AHR: variants seen among roughly 807,000 people sequenced by gnomAD.
AHR encodes aryl hydrocarbon receptor.
Under a neutral mutation model 86.8 loss-of-function variants are expected in AHR, and 40 were observed. The ratio of observed to expected loss-of-function variants is 0.46; its 90% CI spans 0.36 to 0.60. The LOEUF (loss-of-function observed/expected upper bound fraction) is 0.60, where lower values mean the gene tolerates loss of function less well. AHR is among the 20% of genes least tolerant of loss of function. AHR has a pLI of 0.00. For synonymous variants in AHR, 398 were observed against 354.9 expected, an observed-to-expected ratio of 1.12 and a Z score of -1.37; for missense variants, 1,001 against 1,011.6, an observed-to-expected ratio of 0.99 and a Z score of 0.14.
intron 5 of AHR, 70 bp from the exon 6 acceptor site, chr7:17,330,686 T>G (rs1782278821): frequency 7.2e-7 from 1 of 1,379,892 alleles, no homozygotes; most frequent in Non-Finnish European, 9.6e-7. Flanking sequence ...TAATACAAAT[T>G]TTACCTATTC....
intron 1 of AHR, among the ~76,000 whole-genome samples, chr7:17,306,175 G>C (rs934026884): frequency 4.6e-5 from 7 of 152,102 alleles, no homozygotes; most frequent in African/African-American, 7.2e-5. Flanking sequence ...ATAATGGTTA[G>C]CAGTGTCCTT....
chr7:17,339,551 G>T lies in AHR; in HGVS notation c.1726G>T (p.Asp576Tyr). The T allele has an allele frequency of 6.2e-7, 1 of 1,614,154 alleles. No individual in the cohort carries two copies. Among genetic ancestry groups the T allele is most frequent in the South Asian group, 1.1e-5 (1 of 91,064 alleles). Residue 576 changes from aspartate to tyrosine, a missense_variant, in exon 10 of 11, where the codon GAC becomes TAC. By Grantham distance (160) the Asp-to-Tyr change is radical. Coordinates refer to ENST00000242057, the MANE Select transcript of AHR (RefSeq NM_001621.5). ...FSGEVDFRDI[D>Y]LTDEILTYVQ... ...TGGTGAGGTTGACTTCAGAGACATT[G>T]ACTTAACGGATGAAATCCTGACGTA...
At chr7:17,333,813 T>A (rs1782326432) in intron 6 of AHR, 99 bp from the exon 7 acceptor site, 3 of 879,756 alleles carry the variant, frequency 3.4e-6, no homozygotes, top group Non-Finnish European at 5.2e-6. Flanking sequence ...TATGGAATTA[T>A]CAAGAACCCT....
In AHR at chr7:17,298,962, C is replaced by T. The variant is rs1781921925; in HGVS notation, c.-303C>T. On this transcript the variant is annotated 5_prime_UTR_variant, in exon 1 of 11. Coordinates refer to ENST00000242057, the MANE Select transcript of AHR (RefSeq NM_001621.5). ...CGGGCCGCCTCACCTGCGGGCATTG[C>T]CGCGCCGCCTCCGCCGGTGTAGACG... The T allele has an allele frequency of 4.5e-6, 2 of 441,538 alleles. No homozygotes were observed. The highest frequency in any genetic ancestry group is 7.9e-6 in the Non-Finnish European group (2 of 253,934). 27.4% of individuals were successfully genotyped at this position (441,538 alleles called of 1,614,324 possible).
At chr7:17,321,617 A>ACACACACACG (rs1324106097) in intron 2 of AHR, among the ~76,000 whole-genome samples, 1 of 151,626 alleles carries the variant, frequency 6.6e-6, no homozygotes, top group African/African-American at 2.4e-5. Flanking sequence ...ACACACACAC[A>ACACACACACG]CAGTGAGGAA....
chr7:17,335,605 T>G, intron 8 of AHR, 40 bp from the exon 9 acceptor site: 1 of 1,498,198 alleles, frequency 6.7e-7, no homozygotes, highest in Non-Finnish European at 9.0e-7. Flanking sequence ...ACTATATTGA[T>G]TTGGGGGTTT....
intron 1 of AHR, among the ~76,000 whole-genome samples, chr7:17,300,671 G>C (rs1781946257): frequency 6.6e-6 from 1 of 152,086 alleles, no homozygotes; most frequent in Admixed American, 6.6e-5. Flanking sequence ...TTGAGACATC[G>C]GTTATTAATA....
intron 3 of AHR, 72 bp from the exon 4 acceptor site, chr7:17,327,687 A>T: frequency 1.2e-6 from 1 of 804,472 alleles, no homozygotes; most frequent in South Asian, 2.3e-5. Flanking sequence ...TTTCAGAGAT[A>T]AAAGTAATAA....
chr7:17,337,032 C>A (rs1321195994), intron 9 of AHR, among the ~76,000 whole-genome samples: 5 of 152,012 alleles, frequency 3.3e-5, no homozygotes, highest in Non-Finnish European at 7.4e-5. Context: ...CAACCCTCAT[C>A]TTTTGCTATC....
intron 6 of AHR, 60 bp downstream of exon 6, chr7:17,330,946 A>G (rs1782282097): frequency 6.4e-7 from 1 of 1,551,298 alleles, no homozygotes; most frequent in Admixed American, 1.8e-5. Context: ...AGCTTGAGGC[A>G]AATTTAATTT....
rs71309046 is a variant in AHR at position 17,321,594 on chromosome 7, TACAC to T, written c.254-885_254-882del. On this transcript the variant is annotated intron_variant, in intron 2 of 10. Transcript: ENST00000242057. ...TATAAATACATACATACCACACACA[TACAC>T]ACACACACACACACACACACAGTGA... 4.8e-3 allele frequency among the ~76,000 whole-genome samples: 710 copies of T among 147,694 alleles called. 6 individuals are homozygous for T. Among genetic ancestry groups the T allele is most frequent in the African/African-American group, 0.01 (408 of 40,362 alleles).
Position 17,339,027 on chromosome 7 carries a change from A to G in AHR, c.1202A>G (p.Lys401Arg), listed in dbSNP as rs1395816668. Reference sequence around the variant, plus strand: ...GAGCATTTACGAAAACGAAATACGAAGTTGCCTTTTATGTTTACCACTGGA... The same window carrying G: ...GAGCATTTACGAAAACGAAATACGAGGTTGCCTTTTATGTTTACCACTGGA... ...GTEHLRKRNT[K>R]LPFMFTTGEA... The change falls in exon 10 of 11, where the codon AAG becomes AGG. Residue 401 changes from lysine (K) to arginine (R), a missense_variant. By Grantham distance (26) the Lys-to-Arg change is conservative (BLOSUM62 2). This residue lies in a region of AHR where 607 missense variants were observed against 543.1 expected (regional missense o/e 1.12). Coordinates refer to ENST00000242057, the MANE Select transcript of AHR (RefSeq NM_001621.5). The G allele has an allele frequency of 5.0e-6, 8 of 1,614,128 alleles. No homozygotes were observed. The East Asian group carries it at 1.8e-4, about 36-fold the overall frequency.
intron 7 of AHR, 88 bp from the exon 8 acceptor site, chr7:17,334,799 T>C (rs552120377): frequency 4.5e-6 from 4 of 881,718 alleles, no homozygotes; most frequent in Non-Finnish European, 5.2e-6. Flanking sequence ...TTGCAGAAAC[T>C]AGCGTAAAAC....
chr7:17,309,889 T>G (rs1782044171), intron 1 of AHR, 47 bp from the exon 2 acceptor site: 1 of 1,444,022 alleles, frequency 6.9e-7, no homozygotes, highest in South Asian at 1.5e-5. Context: ...AAATTTTTGC[T>G]TTATATTTTT....
At chr7:17,317,208 T>C (rs983215990) in intron 2 of AHR, among the ~76,000 whole-genome samples, 1 of 151,442 alleles carries the variant, frequency 6.6e-6, no homozygotes, top group Non-Finnish European at 1.5e-5. Context: ...AATTTCATAT[T>C]TTTTATTTAG....
At chr7:17,306,273 T>C (rs1336361337) in intron 1 of AHR, among the ~76,000 whole-genome samples, 1 of 152,206 alleles carries the variant, frequency 6.6e-6, no homozygotes, top group African/African-American at 2.4e-5. Flanking sequence ...CTATTTTTAA[T>C]TGTTCTGTAT....
chr7:17,300,287 T>A (rs1781941418), intron 1 of AHR, among the ~76,000 whole-genome samples: 1 of 152,218 alleles, frequency 6.6e-6, no homozygotes, highest in Non-Finnish European at 1.5e-5. Flanking sequence ...CCAATTTTTT[T>A]ATTTCTAGAT....
intron 2 of AHR, among the ~76,000 whole-genome samples, chr7:17,319,618 G>T (rs1257179391): frequency 6.6e-6 from 1 of 152,058 alleles, no homozygotes; most frequent in Non-Finnish European, 1.5e-5. Context: ...TACTAAGTAA[G>T]GTCACTCCAA....
intron 5 of AHR, 88 bp downstream of exon 5, chr7:17,330,163 C>G: frequency 7.8e-7 from 1 of 1,281,012 alleles, no homozygotes; most frequent in South Asian, 1.4e-5. Context: ...GGTCATAGAA[C>G]TCCATGATAG....
Sources: allele counts gnomAD v4.1 joint callset (sites outside exome capture counted in the v4.1 genomes callset), GRCh38; gene constraint gnomAD v4.1.1; regional missense constraint gnomAD v4.1.1; transcripts MANE v1.5; gene names NCBI Gene and HGNC (gene_info 2026-07-23, HGNC 2026-07-21).